The following CSNK2A2IP variants were observed in gnomAD, a reference collection of about 807,000 sequenced individuals.
The protein encoded by CSNK2A2IP is casein kinase II subunit alpha'-interacting protein.
the CSNK2A2IP span, among the ~76,000 whole-genome samples, chr3:88,341,772 C>A: frequency 1.3e-5 from 2 of 151,762 alleles, no homozygotes; most frequent in African/African-American, 4.8e-5. Context: ...AATAAACTTT[C>A]GGAGAATCTG....
chr3:88,366,959 C>G, the CSNK2A2IP span, among the ~76,000 whole-genome samples: 4 of 152,002 alleles, frequency 2.6e-5, no homozygotes, highest in African/African-American at 4.8e-5. Context: ...ATAAAATCAT[C>G]CGATCTCTTG....
At chr3:88,464,246 T>A in the CSNK2A2IP span, among the ~76,000 whole-genome samples, 1 of 151,678 alleles carries the variant, frequency 6.6e-6, no homozygotes, top group African/African-American at 2.4e-5. Context: ...CACACCAGCA[T>A]GGCACATGTA....
At chr3:88,449,870 TATATAG>T in the CSNK2A2IP span, among the ~76,000 whole-genome samples, 1 of 81,704 alleles carries the variant, frequency 1.2e-5, no homozygotes. Context: ...TATATATATA[TATATAG>T]AGAGAGAGAG....
the CSNK2A2IP span, among the ~76,000 whole-genome samples, chr3:88,442,003 A>G: frequency 2.0e-5 from 3 of 152,188 alleles, no homozygotes; most frequent in African/African-American, 7.2e-5. Flanking sequence ...AAAAAATTTT[A>G]TAGTTTTTGA....
chr3:88,339,862 C>T, the CSNK2A2IP span, among the ~76,000 whole-genome samples: 8 of 152,110 alleles, frequency 5.3e-5, no homozygotes, highest in East Asian at 1.9e-4. Flanking sequence ...TGGAGAGACA[C>T]CTTTTTAAGA....
the CSNK2A2IP span, among the ~76,000 whole-genome samples, chr3:88,449,869 ATATAT>A: frequency 4.8e-5 from 6 of 124,422 alleles, no homozygotes; most frequent in African/African-American, 1.7e-4. Flanking sequence ...ATATATATAT[ATATAT>A]AGAGAGAGAG....
chr3:88,409,878 T>A, the CSNK2A2IP span, among the ~76,000 whole-genome samples: 3 of 152,086 alleles, frequency 2.0e-5, no homozygotes, highest in African/African-American at 7.3e-5. Context: ...AATTATGCTT[T>A]ACTACAGGAA....
chr3:88,422,545 T>A, the CSNK2A2IP span, among the ~76,000 whole-genome samples: 2 of 152,252 alleles, frequency 1.3e-5, no homozygotes, highest in East Asian at 3.9e-4. Flanking sequence ...ATATCTCAGC[T>A]TTCTATTGTA....
the CSNK2A2IP span, among the ~76,000 whole-genome samples, chr3:88,410,659 T>G: frequency 1.1e-4 from 17 of 152,134 alleles, no homozygotes; most frequent in South Asian, 3.5e-3. Context: ...TTATTCTAGT[T>G]TCTATTCTCA....
the CSNK2A2IP span, among the ~76,000 whole-genome samples, chr3:88,445,201 G>A: frequency 6.9e-6 from 1 of 145,352 alleles, no homozygotes; most frequent in African/African-American, 2.5e-5. Context: ...CGCTGAGGCG[G>A]GAGAATCACT....
At chr3:88,354,709 C>G in the CSNK2A2IP span, among the ~76,000 whole-genome samples, 248 of 152,170 alleles carry the variant, frequency 1.6e-3, no homozygotes, top group Non-Finnish European at 2.8e-3. Context: ...TTAGAAAAAT[C>G]ATGAAAGCTG....
At chr3:88,411,988 T>C in the CSNK2A2IP span, among the ~76,000 whole-genome samples, 13 of 151,916 alleles carry the variant, frequency 8.6e-5, no homozygotes, top group East Asian at 2.5e-3. Context: ...TTGCATTGTA[T>C]TTCTATTTGA....
chr3:88,396,958 A>C, the CSNK2A2IP span, among the ~76,000 whole-genome samples: 4 of 152,196 alleles, frequency 2.6e-5, no homozygotes, highest in Non-Finnish European at 4.4e-5. Context: ...AGTTAGTGAT[A>C]GCTTGAATAT....
At chr3:88,399,368 T>C in the CSNK2A2IP span, among the ~76,000 whole-genome samples, 1 of 152,066 alleles carries the variant, frequency 6.6e-6, no homozygotes, top group Non-Finnish European at 1.5e-5. Context: ...ATATAAGAAA[T>C]ATTTAGAAGT....
At chr3:88,420,644 G>A in the CSNK2A2IP span, among the ~76,000 whole-genome samples, 2 of 152,148 alleles carry the variant, frequency 1.3e-5, no homozygotes, top group East Asian at 3.9e-4. Context: ...AATTTAGAAG[G>A]TGAGTAAAAT....
chr3:88,397,120 A>G, the CSNK2A2IP span, among the ~76,000 whole-genome samples: 1 of 152,184 alleles, frequency 6.6e-6, no homozygotes, highest in Non-Finnish European at 1.5e-5. Context: ...GAAGATAAAC[A>G]TTTACCGCCC....
the CSNK2A2IP span, among the ~76,000 whole-genome samples, chr3:88,373,346 G>A: frequency 6.6e-6 from 1 of 151,394 alleles, no homozygotes; most frequent in Non-Finnish European, 1.5e-5. Flanking sequence ...AATCACATGT[G>A]TTTGAAAGTC....
At chr3:88,361,663 T>C in the CSNK2A2IP span, among the ~76,000 whole-genome samples, 2 of 152,164 alleles carry the variant, frequency 1.3e-5, no homozygotes, top group African/African-American at 2.4e-5. Context: ...TATATTTTTC[T>C]CTAGGTTTGG....
At chr3:88,395,529 A>G in the CSNK2A2IP span, among the ~76,000 whole-genome samples, 1 of 152,234 alleles carries the variant, frequency 6.6e-6, no homozygotes, top group Non-Finnish European at 1.5e-5. Flanking sequence ...TGTTCTAGAT[A>G]CACTTTCAGA....
Sources: allele counts gnomAD v4.1 joint callset (sites outside exome capture counted in the v4.1 genomes callset), GRCh38; gene constraint gnomAD v4.1.1; transcripts MANE v1.5; gene names NCBI Gene and HGNC (gene_info 2026-07-23, HGNC 2026-07-21).